Variants in ACSL4 observed in about 807,000 individuals in gnomAD.
ACSL4 encodes the protein long-chain-fatty-acid--CoA ligase 4.
ACSL4 carries 9 observed loss-of-function variants against 49.1 expected under a neutral mutation model. The ratio of observed to expected loss-of-function variants is 0.18; its 90% CI spans 0.11 to 0.32. The LOEUF (loss-of-function observed/expected upper bound fraction) is 0.32, where lower values mean the gene tolerates loss of function less well. Among genes scored for constraint, ACSL4 ranks in the 10% least tolerant of loss-of-function variants. The probability of loss-of-function intolerance (pLI) is 1.00; values close to 1 mark genes in which losing one functional copy is unlikely to be tolerated. For missense variants in ACSL4, 333 were observed against 493.7 expected (o/e 0.67, Z 3.08); for synonymous variants, 191 against 170.3 (o/e 1.12, Z -0.95).
Position 109,650,567 on chromosome X carries a change from T to C in ACSL4, c.1856-6381A>G, listed in dbSNP as rs755487465. On this transcript the variant is annotated intron_variant, in intron 15 of 15. Coordinates refer to ENST00000672401, the MANE Select transcript of ACSL4 (RefSeq NM_001318510.2). ...GGGGGAGGGATAGCATTGGGAGATA[T>C]ACCTAATGCTAGATGACAAGTTAGT... Among the ~76,000 whole-genome samples the C allele has an allele frequency of 9.2e-5, 10 of 108,363 alleles. 1 individual carries two copies. The South Asian group carries it at 1.7e-3, about 18-fold the overall frequency. 94.1% of individuals were successfully genotyped at this position (108,363 alleles called of 115,157 possible). A position where few individuals can be genotyped will look rare whatever the true frequency, so the allele number is the denominator to read the frequency against.
chrX:109,727,612 G>A, intron 1 of ACSL4, among the ~76,000 whole-genome samples: 1 of 106,944 alleles, frequency 9.4e-6, no homozygotes, highest in Non-Finnish European at 1.9e-5. Flanking sequence ...AATATCACCT[G>A]GAAATGTAAC....
At chrX:109,666,026 C>A (rs1283922981) in intron 11 of ACSL4, among the ~76,000 whole-genome samples, 2 of 112,376 alleles carry the variant, frequency 1.8e-5, no homozygotes, top group Non-Finnish European at 3.8e-5. Context: ...ATGATGATAT[C>A]CATTTGCAAT....
chrX:109,707,159 T>C (rs1926411622), intron 1 of ACSL4, among the ~76,000 whole-genome samples: 1 of 112,086 alleles, frequency 8.9e-6, no homozygotes, highest in South Asian at 3.7e-4. Flanking sequence ...TAGACAATTC[T>C]CAAAGTACCA....
chrX:109,690,583 G>A (rs1260408276), intron 2 of ACSL4, among the ~76,000 whole-genome samples: 2 of 111,428 alleles, frequency 1.8e-5, no homozygotes, highest in African/African-American at 6.5e-5. Flanking sequence ...TAGCACAGCT[G>A]AGTAGAGATT....
chrX:109,684,823 G>C (rs1450961156), intron 2 of ACSL4, among the ~76,000 whole-genome samples: 1 of 111,025 alleles, frequency 9.0e-6, no homozygotes, highest in Non-Finnish European at 1.9e-5. Context: ...TATGAAAAAA[G>C]ATACGAAGGT....
intron 6 of ACSL4, among the ~76,000 whole-genome samples, chrX:109,679,459 T>A (rs1923995182): frequency 8.9e-6 from 1 of 112,708 alleles, no homozygotes. Flanking sequence ...AACATTTTTT[T>A]AAAACAGTGA....
chrX:109,668,600 A>C (rs777151846), intron 10 of ACSL4, among the ~76,000 whole-genome samples: 1 of 111,925 alleles, frequency 8.9e-6, no homozygotes, highest in Non-Finnish European at 1.9e-5. Flanking sequence ...TCCAATAAAA[A>C]ATGCTTCCCC....
chrX:109,674,044 G>A (rs757955494), intron 9 of ACSL4, among the ~76,000 whole-genome samples: 15 of 111,459 alleles, frequency 1.3e-4, no homozygotes, highest in Non-Finnish European at 1.9e-5. Flanking sequence ...CCCTAGGATG[G>A]CCTAAAGTTT....
rs759763467 is a variant in ACSL4, at chrX:109,724,261, TG to T, written c.-66+8877del. Among the ~76,000 whole-genome samples, 411 of 111,176 alleles carry T rather than the reference TG, an allele frequency of 3.7e-3. 7 individuals are homozygous for T. The highest frequency in any genetic ancestry group is 0.013 in the African/African-American group (401 of 30,592). On this transcript the variant is annotated intron_variant, in intron 1 of 15. Transcript: ENST00000672401. ...TGTGTGGTTTTGGTTTATTTATTTT[TG>T]GGGGGCTTTTTTGTTTTTTTGTTTG...
intron 15 of ACSL4, among the ~76,000 whole-genome samples, chrX:109,644,694 G>A (rs1349620286): frequency 8.9e-6 from 1 of 112,427 alleles, no homozygotes; most frequent in Admixed American, 9.4e-5. Context: ...GGCCAAATAC[G>A]AACAGCTCTG....
intron 1 of ACSL4, among the ~76,000 whole-genome samples, chrX:109,728,305 A>G (rs988119846): frequency 2.7e-5 from 3 of 112,452 alleles, no homozygotes; most frequent in South Asian, 3.6e-4. Context: ...TGCTAAATAC[A>G]TGGTCATGAA....
At position 109,680,437 on chromosome X, in the gene ACSL4, A is replaced by G. The variant is rs145986967; in HGVS notation, c.655+561T>C. Among the ~76,000 whole-genome samples the G allele has an allele frequency of 5.7e-3, 640 of 112,306 alleles. 6 individuals are homozygous for G. Among genetic ancestry groups the G allele is most frequent in the African/African-American group, 0.018 (552 of 30,957 alleles). ...GTATTTTGACCATCGCATTAAACATAATAAGAAAACTCTTCAAATGGAGTA... is the reference window on the plus strand; with the variant it reads ...GTATTTTGACCATCGCATTAAACATGATAAGAAAACTCTTCAAATGGAGTA... On this transcript the variant is annotated intron_variant, in intron 6 of 15. Coordinates refer to ENST00000672401, the MANE Select transcript of ACSL4 (RefSeq NM_001318510.2).
rs373354779 is a variant in ACSL4, at chrX:109,650,789, C to T, written c.1856-6603G>A. On this transcript the variant is annotated intron_variant, in intron 15 of 15. Coordinates refer to ENST00000672401, the MANE Select transcript of ACSL4 (RefSeq NM_001318510.2). ...CACCCAACATATTATATATTTGTTT[C>T]ACCATGGAGCTAAAATGTAAGCTCC... Among the ~76,000 whole-genome samples the T allele has an allele frequency of 4.5e-5, 5 of 112,052 alleles. No individual in the cohort carries two copies. In the East Asian group the frequency reaches 8.4e-4, roughly 19 times the overall value.
intron 2 of ACSL4, among the ~76,000 whole-genome samples, chrX:109,688,307 C>A (rs1432785716): frequency 9.0e-6 from 1 of 111,280 alleles, no homozygotes; most frequent in African/African-American, 3.3e-5. Context: ...GAGGCCAACC[C>A]CTTCATTTAT....
At position 109,648,114 on chromosome X, in the gene ACSL4, A is replaced by G. The variant is rs751458514; in HGVS notation, c.1856-3928T>C. Among the ~76,000 whole-genome samples the G allele has an allele frequency of 6.2e-5, 7 of 112,121 alleles. No homozygotes were observed. In the East Asian group the frequency reaches 1.9e-3, roughly 31 times the overall value. On this transcript the variant is annotated intron_variant, in intron 15 of 15. Transcript: ENST00000672401. Reference sequence around the variant, plus strand: ...AGAGGTACAAGGAGGAACTGATACCATTCCTTCTGAAACTATTCCAATCAA... The same window carrying G: ...AGAGGTACAAGGAGGAACTGATACCGTTCCTTCTGAAACTATTCCAATCAA...
intron 1 of ACSL4, among the ~76,000 whole-genome samples, chrX:109,716,646 ATTGT>A (rs1927141657): frequency 8.9e-6 from 1 of 112,399 alleles, no homozygotes; most frequent in Non-Finnish European, 1.9e-5. Context: ...CGGAGGTTTC[ATTGT>A]TTAAGTACTT....
chrX:109,697,501 C>T (rs1460238765), intron 1 of ACSL4, among the ~76,000 whole-genome samples: 1 of 111,011 alleles, frequency 9.0e-6, no homozygotes, highest in Non-Finnish European at 1.9e-5. Flanking sequence ...TGATTTATAT[C>T]CAAGCCTATT....
chrX:109,711,080 G>A lies in ACSL4; in HGVS notation c.-65-14884C>T, dbSNP rs192274608. Among the ~76,000 whole-genome samples, 11 of 112,605 alleles carry A rather than the reference G, an allele frequency of 9.8e-5. No homozygotes were observed. The East Asian group carries it at 2.2e-3, about 23-fold the overall frequency. On this transcript the variant is annotated intron_variant, in intron 1 of 15. Coordinates refer to ENST00000672401, the MANE Select transcript of ACSL4 (RefSeq NM_001318510.2). Reference sequence around the variant, plus strand: ...ACAATCAAACAAAAACCCTAGCCTTGCAGGAAATACATATTTCACACCAAT... The same window carrying A: ...ACAATCAAACAAAAACCCTAGCCTTACAGGAAATACATATTTCACACCAAT...
chrX:109,716,554 C>A (rs750338342), intron 1 of ACSL4, among the ~76,000 whole-genome samples: 26 of 112,362 alleles, frequency 2.3e-4, no homozygotes, highest in Non-Finnish European at 4.1e-4. Flanking sequence ...CCAGCTGTTA[C>A]AAACAACACT....
Sources: gnomAD v4.1 joint callset for allele counts (sites outside exome capture counted in the v4.1 genomes callset) on GRCh38, gnomAD v4.1.1 for gene constraint, MANE v1.5 for transcripts, NCBI Gene and HGNC (gene_info 2026-07-23, HGNC 2026-07-21) for gene names.